Variants in FMN1 observed in about 807,000 individuals in gnomAD.
The protein encoded by FMN1 is formin 1, also known as formin-1.
A neutral mutation model predicts 132.4 loss-of-function variants in FMN1; 110 were observed. The ratio of observed to expected loss-of-function variants is 0.83; its 90% confidence interval spans 0.71 to 0.97. FMN1 has a LOEUF of 0.97. Among genes scored for constraint, FMN1 ranks in the 50% least tolerant of loss-of-function variants. The probability of loss-of-function intolerance (pLI) is 0.00; values close to 1 mark genes in which losing one functional copy is unlikely to be tolerated. For synonymous variants in FMN1, 722 were observed against 651.7 expected (o/e 1.11, Z -1.64); for missense variants, 1,792 against 1,705.3 (o/e 1.05, Z -0.90).
chr15:32,981,663 A>G (rs2032687298), intron 7 of FMN1, among the ~76,000 whole-genome samples: 3 of 151,824 alleles, frequency 2.0e-5, no homozygotes, highest in South Asian at 2.1e-4. Context: ...ACAGAAGAAT[A>G]TACTTAGGAC....
chr15:33,157,704 C>G (rs1964728745), intron 3 of FMN1, among the ~76,000 whole-genome samples: 1 of 151,948 alleles, frequency 6.6e-6, no homozygotes, highest in African/African-American at 2.4e-5. Flanking sequence ...TTTTAACGCT[C>G]ACGGAGGCCA....
At chr15:33,175,172 C>T (rs1211347195) in intron 3 of FMN1, among the ~76,000 whole-genome samples, 1 of 152,096 alleles carries the variant, frequency 6.6e-6, no homozygotes, top group Non-Finnish European at 1.5e-5. Context: ...ACTACAGGGG[C>T]ATACCACAAT....
At chr15:32,958,470 T>G (rs936188798) in intron 9 of FMN1, among the ~76,000 whole-genome samples, 1 of 152,076 alleles carries the variant, frequency 6.6e-6, no homozygotes, top group East Asian at 1.9e-4. Context: ...ATGAGAGAAA[T>G]AAGATGATGG....
At chr15:32,792,148 G>A (rs946066640) in intron 19 of FMN1, among the ~76,000 whole-genome samples, 1 of 151,842 alleles carries the variant, frequency 6.6e-6, no homozygotes, top group Admixed American at 6.6e-5. Flanking sequence ...GAGGCATTTC[G>A]AGATGGAGGA....
At chr15:32,994,639 C>G (rs1000596510) in intron 7 of FMN1, among the ~76,000 whole-genome samples, 2 of 152,196 alleles carry the variant, frequency 1.3e-5, no homozygotes, top group Admixed American at 6.5e-5. Context: ...CCCTCGAGCA[C>G]CTAGCACAGT....
Position 33,065,070 on chromosome 15 carries a change from T to C in FMN1, c.2048A>G (p.Asp683Gly). ...RSELYLDLHP[D>G]HSLTEQDDRT... ...GTCATCCTGCTCAGTCAGGCTGTGG[T>C]CAGGCTGTTGAAAGAGCAGGCAAAT... The change falls in exon 6 of 21, where the codon GAC becomes GGC. Residue 683 changes from aspartate to glycine, a missense_variant. Asp to Gly is a moderately conservative substitution (Grantham distance 94, BLOSUM62 -1). Around this residue, in one of 3 missense-constraint regions of FMN1, gnomAD observed 1,150 missense variants for 1,043.1 expected, o/e 1.10. Coordinates refer to ENST00000616417, the MANE Select transcript of FMN1 (RefSeq NM_001277313.2). 1 of 1,604,084 alleles carries C rather than the reference T, an allele frequency of 6.2e-7. No individual in the cohort carries two copies. Among genetic ancestry groups the C allele is most frequent in the African/African-American group, 1.3e-5 (1 of 74,684 alleles).
intron 10 of FMN1, among the ~76,000 whole-genome samples, chr15:32,916,275 A>G (rs1357079436): frequency 6.6e-6 from 1 of 152,208 alleles, no homozygotes; most frequent in Non-Finnish European, 1.5e-5. Context: ...AAGAACATGC[A>G]GGATTCTCTC....
chr15:33,080,494 T>C (rs755948902), intron 5 of FMN1, among the ~76,000 whole-genome samples: 36 of 152,248 alleles, frequency 2.4e-4, no homozygotes, highest in Non-Finnish European at 4.0e-4. Flanking sequence ...GGCTAATGCC[T>C]GTAATCCCAG....
chr15:32,906,185 C>T (rs2060420568), intron 12 of FMN1, among the ~76,000 whole-genome samples: 1 of 152,130 alleles, frequency 6.6e-6, no homozygotes, highest in Non-Finnish European at 1.5e-5. Flanking sequence ...ATCAGCCATT[C>T]CCATAGCTTA....
At chr15:33,103,522 G>C (rs965808760) in intron 4 of FMN1, among the ~76,000 whole-genome samples, 1 of 152,120 alleles carries the variant, frequency 6.6e-6, no homozygotes, top group South Asian at 2.1e-4. Flanking sequence ...ATGAGACAGA[G>C]CTCCATTTCT....
At chr15:33,115,906 C>G (rs748899723) in intron 4 of FMN1, among the ~76,000 whole-genome samples, 25 of 152,090 alleles carry the variant, frequency 1.6e-4, no homozygotes, top group Admixed American at 7.2e-4. Flanking sequence ...CCAGCAAATC[C>G]ATTTGCATCA....
In FMN1 at chr15:32,772,793, GATCT is replaced by G. The variant is rs982332807; in HGVS notation, c.*1513_*1516del. On this transcript the variant is annotated 3_prime_UTR_variant, in exon 21 of 21. Coordinates refer to ENST00000616417, the MANE Select transcript of FMN1 (RefSeq NM_001277313.2). ...GGATATGGTGCTGCTTTCATTACTGGATCTATTATAGAAGCATTCCTGAGGGGCT... is the reference window on the plus strand; with the variant it reads ...GGATATGGTGCTGCTTTCATTACTGGATTATAGAAGCATTCCTGAGGGGCT... 2 of 152,228 alleles carry G rather than the reference GATCT, an allele frequency of 1.3e-5. No individual in the cohort carries two copies. The highest frequency in any genetic ancestry group is 4.8e-5 in the African/African-American group (2 of 41,442). The allele number at this position is 152,228 out of a possible 1,614,324, so 9.4% of individuals were successfully genotyped here.
At chr15:32,810,778 A>AG (rs2057848692) in intron 17 of FMN1, 1 of 228,392 alleles carries the variant, frequency 4.4e-6, no homozygotes, top group Non-Finnish European at 8.9e-6. Context: ...TTGTGAAATA[A>AG]GGGGAAGGGA....
intron 6 of FMN1, among the ~76,000 whole-genome samples, chr15:33,009,915 T>C (rs2034618325): frequency 6.8e-6 from 1 of 146,496 alleles, no homozygotes. Context: ...TGAGATGGAG[T>C]TTCACTCGTT....
At chr15:33,064,752 C>T (rs1047586160) in intron 6 of FMN1, 3 of 397,000 alleles carry the variant, frequency 7.6e-6, no homozygotes, top group East Asian at 4.3e-5. Flanking sequence ...TCATTCATTC[C>T]ACTGCATTCA....
chr15:33,056,066 C>G (rs1318872197), intron 6 of FMN1, among the ~76,000 whole-genome samples: 1 of 152,130 alleles, frequency 6.6e-6, no homozygotes, highest in Non-Finnish European at 1.5e-5. Flanking sequence ...GACAAGAATG[C>G]GGAGTAACCA....
intron 17 of FMN1, among the ~76,000 whole-genome samples, chr15:32,856,008 G>C (rs147102052): frequency 5.5e-4 from 84 of 152,280 alleles, no homozygotes; most frequent in Admixed American, 9.1e-4. Context: ...CTTCAATACA[G>C]ACAACCTTTC....
chr15:32,806,235 A>T (rs1020187004), intron 17 of FMN1, among the ~76,000 whole-genome samples: 1 of 152,196 alleles, frequency 6.6e-6, no homozygotes, highest in Non-Finnish European at 1.5e-5. Context: ...ATACTTCATG[A>T]AAGATAAGGG....
In FMN1 at chr15:32,769,516, A is replaced by G. The variant is rs1415479426; in HGVS notation, c.*4794T>C. On this transcript the variant is annotated 3_prime_UTR_variant, in exon 21 of 21. Transcript: ENST00000616417. ...TGCCTGGATTCAATTGCTAATGGAG[A>G]GATGAATATCATTATGTAAGTCTAA... 1 of 152,196 alleles carries G rather than the reference A, an allele frequency of 6.6e-6. No homozygotes were observed. The highest frequency in any genetic ancestry group is 1.5e-5 in the Non-Finnish European group (1 of 68,028). The allele number at this position is 152,196 out of a possible 1,614,324, so 9.4% of individuals were successfully genotyped here.
Sources: gnomAD v4.1 joint callset for allele counts (sites outside exome capture counted in the v4.1 genomes callset) on GRCh38, gnomAD v4.1.1 for gene constraint, gnomAD v4.1.1 regional missense constraint, MANE v1.5 for transcripts, NCBI Gene and HGNC (gene_info 2026-07-23, HGNC 2026-07-21) for gene names.